The following HSPA9 variants were observed in gnomAD, a reference collection of about 807,000 sequenced individuals.
The protein encoded by HSPA9 is heat shock protein family A (Hsp70) member 9, also known as stress-70 protein, mitochondrial.
In HSPA9, 28 loss-of-function variants were observed where a neutral mutation model predicts 81.5. The observed-to-expected ratio is 0.34, with a 90% CI of 0.25 to 0.47. The LOEUF (loss-of-function observed/expected upper bound fraction) is 0.47. Among genes scored for constraint, HSPA9 ranks in the 20% least tolerant of loss-of-function variants. The pLI is 1.00. For missense variants in HSPA9, 678 were observed against 838.0 expected, an observed-to-expected ratio of 0.81 and a Z score of 2.36; for synonymous variants, 293 against 290.4, an observed-to-expected ratio of 1.01 and a Z score of -0.09.
Position 138,555,695 on chromosome 5 carries a change from T to G in HSPA9, c.*342A>C. The G allele has an allele frequency of 5.6e-6, 2 of 354,748 alleles. No individual in the cohort carries two copies. The highest frequency in any genetic ancestry group is 8.2e-5 in the Admixed American group (2 of 24,334). The allele number at this position is 354,748 out of a possible 1,614,324, so 22.0% of individuals were successfully genotyped here. ...CATTTCAAGTCTATGGATGACTACC[T>G]TCATTGCTGTGTGCGAGATGGTTTC... On this transcript the variant is annotated 3_prime_UTR_variant, in exon 17 of 17. Coordinates refer to ENST00000297185, the MANE Select transcript of HSPA9 (RefSeq NM_004134.7).
chr5:138,566,941 T>C (rs749167743), intron 8 of HSPA9, 60 bp downstream of exon 8: 29 of 1,541,054 alleles, frequency 1.9e-5, no homozygotes, highest in Admixed American at 6.7e-5. Flanking sequence ...CAAAGAGCAA[T>C]CTGAACAAAG....
At chr5:138,569,158 G>T in intron 4 of HSPA9, 109 bp from the exon 5 acceptor site, 1 of 984,896 alleles carries the variant, frequency 1.0e-6, no homozygotes, top group Non-Finnish European at 1.6e-6. Context: ...CTCATTCATG[G>T]CCAACAAATG....
chr5:138,557,325 C>G, intron 14 of HSPA9, 77 bp downstream of exon 14: 1 of 984,714 alleles, frequency 1.0e-6, no homozygotes, highest in Non-Finnish European at 1.6e-6. Flanking sequence ...GAGTGAGACA[C>G]TGCGCCCAGC....
intron 11 of HSPA9, chr5:138,558,916 A>G (rs1750591979): frequency 2.4e-6 from 1 of 415,880 alleles, no homozygotes; most frequent in Non-Finnish European, 4.5e-6. Context: ...AAAAGGAACT[A>G]AAATGTTGAA....
chr5:138,574,014 C>T, intron 2 of HSPA9, 54 bp downstream of exon 2: 1 of 1,424,422 alleles, frequency 7.0e-7, no homozygotes, highest in Non-Finnish European at 9.9e-7. Flanking sequence ...GTAGAAAACA[C>T]TGCTTTGAAG....
chr5:138,575,147 A>G, intron 1 of HSPA9, 91 bp downstream of exon 1: 1 of 882,378 alleles, frequency 1.1e-6, no homozygotes, highest in South Asian at 1.5e-5. Flanking sequence ...TGGAGAATTC[A>G]AACCCTAAAG....
chr5:138,573,669 G>T (rs1313637005), intron 3 of HSPA9, 94 bp downstream of exon 3: 3 of 188,702 alleles, frequency 1.6e-5, no homozygotes, highest in Non-Finnish European at 3.1e-5. Flanking sequence ...AAAAAAAAAA[G>T]CGCAAATCAG....
At chr5:138,561,485 C>T (rs2304057) in intron 10 of HSPA9, 95 bp downstream of exon 10, 361,783 of 923,976 alleles carry the variant, frequency 0.39, 76,065 homozygotes, top group East Asian at 0.8. Context: ...TTTAGGTCAC[C>T]CCAGCAGAAT....
intron 13 of HSPA9, 87 bp downstream of exon 13, chr5:138,557,782 G>A (rs1003722166): frequency 1.2e-6 from 1 of 847,518 alleles, no homozygotes; most frequent in Non-Finnish European, 2.1e-6. Flanking sequence ...ATAACTGAGG[G>A]GCAAAGAGGA....
chr5:138,566,953 AT>A, intron 8 of HSPA9, 47 bp downstream of exon 8: 1 of 1,582,966 alleles, frequency 6.3e-7, no homozygotes, highest in South Asian at 1.1e-5. Context: ...TGAACAAAGA[AT>A]TTCTCAATAT....
intron 4 of HSPA9, among the ~76,000 whole-genome samples, chr5:138,569,609 A>G (rs986779101): frequency 1.3e-5 from 2 of 152,156 alleles, no homozygotes; most frequent in African/African-American, 4.8e-5. Flanking sequence ...CCTTGAAAAC[A>G]TGCTAAGTGA....
intron 9 of HSPA9, among the ~76,000 whole-genome samples, chr5:138,564,819 T>C (rs1199195267): frequency 1.3e-5 from 2 of 152,244 alleles, no homozygotes; most frequent in African/African-American, 4.8e-5. Context: ...AGAGTACCAC[T>C]ATTATCCTTG....
intron 10 of HSPA9, among the ~76,000 whole-genome samples, chr5:138,560,603 C>G (rs1750633890): frequency 6.7e-6 from 1 of 149,534 alleles, no homozygotes; most frequent in African/African-American, 2.5e-5. Context: ...CTGTGTCGCT[C>G]AGGCTGGAGT....
chr5:138,568,397 G>T (rs7727542), intron 5 of HSPA9, among the ~76,000 whole-genome samples: 2,300 of 151,536 alleles, frequency 0.015, 54 homozygotes, highest in African/African-American at 0.051. Context: ...GCTACGTTGG[G>T]GGGGAGGGAG....
rs10694029 is a variant in HSPA9, at chr5:138,571,960, C to CTTTTTTTTTTTTTTTT, written c.229-835_229-820dup. ...TACAGGCTTGAGGCACTGCGCCTGG[C>CTTTTTTTTTTTTTTTT]TTTTTTTTTTTTTTTTGAGACAGAG... is the stretch of plus-strand genomic sequence containing the variant. On this transcript the variant is annotated intron_variant, in intron 3 of 16. Transcript: ENST00000297185. Among the ~76,000 whole-genome samples, 72 of 100,436 alleles carry CTTTTTTTTTTTTTTTT rather than the reference C, an allele frequency of 7.2e-4. 10 individuals are homozygous for CTTTTTTTTTTTTTTTT. Among genetic ancestry groups the CTTTTTTTTTTTTTTTT allele is most frequent in the African/African-American group, 3.0e-3 (70 of 23,666 alleles). The allele number at this position is 100,436 out of a possible 152,430, so 65.9% of individuals were successfully genotyped here. A position where few individuals can be genotyped will look rare whatever the true frequency, so the allele number is the denominator to read the frequency against.
chr5:138,573,269 T>G (rs1750949722), intron 3 of HSPA9, among the ~76,000 whole-genome samples: 1 of 152,118 alleles, frequency 6.6e-6, no homozygotes, highest in Non-Finnish European at 1.5e-5. Context: ...CCTCAGGTAA[T>G]CCACCCCCCT....
In HSPA9 at chr5:138,570,959, CAT is replaced by C. The variant is rs763817505; in HGVS notation, c.409_410del (p.Ile137Ter). The C allele has an allele frequency of 6.8e-6, 11 of 1,613,982 alleles. No individual in the cohort carries two copies. The highest frequency in any genetic ancestry group is 2.2e-5 in the East Asian group (1 of 44,888). On this transcript the variant is annotated frameshift_variant and splice_region_variant, in exon 4 of 17. Transcript: ENST00000297185. LOFTEE classifies it high-confidence loss of function. ...RYDDPEVQKDIKNVPFKIVRA... is the reference protein window; with the variant it reads ...RYDDPEVQKDXKNVPFKIVRA... The stretch of plus-strand genomic sequence containing the variant: ...TGCAAAAAACTTTTGCTGTTACTCA[CAT>C]GTCTTTCTGTACTTCAGGATCATCA...
At chr5:138,563,117 TTC>T (rs1406019192) in intron 9 of HSPA9, among the ~76,000 whole-genome samples, 1 of 152,184 alleles carries the variant, frequency 6.6e-6, no homozygotes, top group Non-Finnish European at 1.5e-5. Context: ...TATTGACAAT[TTC>T]TTTTTTGCAA....
intron 3 of HSPA9, 100 bp downstream of exon 3, chr5:138,573,663 A>AAAC (rs1370755345): frequency 1.5e-6 from 1 of 661,272 alleles, no homozygotes; most frequent in Non-Finnish European, 2.6e-6. Flanking sequence ...AAAAAAAAAA[A>AAAC]AAAAAGCGCA....
Sources: gnomAD v4.1 joint callset for allele counts (sites outside exome capture counted in the v4.1 genomes callset) on GRCh38, gnomAD v4.1.1 for gene constraint, MANE v1.5 for transcripts, NCBI Gene and HGNC (gene_info 2026-07-23, HGNC 2026-07-21) for gene names.